ERBB4: variants seen among roughly 807,000 people sequenced by gnomAD.
ERBB4 encodes the protein erb-b2 receptor tyrosine kinase 4, also known as receptor tyrosine-protein kinase erbB-4.
ERBB4 carries 42 observed loss-of-function variants against 158.0 expected under a neutral mutation model. The ratio of observed to expected loss-of-function variants is 0.27; its 90% CI spans 0.21 to 0.34. The LOEUF (loss-of-function observed/expected upper bound fraction) is 0.34, where lower values mean the gene tolerates loss of function less well. ERBB4 is among the 10% of genes least tolerant of loss of function. ERBB4 has a pLI of 1.00. For synonymous variants in ERBB4, 583 were observed against 558.7 expected (o/e 1.04, Z -0.61); for missense variants, 1,333 against 1,624.1 (o/e 0.82, Z 3.08).
chr2:211,712,029 G>T, intron 9 of ERBB4, 21 bp downstream of exon 9: 1 of 1,601,026 alleles, frequency 6.2e-7, no homozygotes, highest in Non-Finnish European at 8.6e-7. Flanking sequence ...AAAATAACTT[G>T]CACAAAAATT....
At chr2:212,431,822 C>G (rs1363935567) in intron 1 of ERBB4, among the ~76,000 whole-genome samples, 1 of 152,150 alleles carries the variant, frequency 6.6e-6, no homozygotes, top group African/African-American at 2.4e-5. Context: ...TCCCTCAGAT[C>G]TTTACTCAAA....
chr2:212,459,940 C>A (rs1048190001), intron 1 of ERBB4, among the ~76,000 whole-genome samples: 52 of 152,138 alleles, frequency 3.4e-4, no homozygotes, highest in African/African-American at 1.2e-3. Flanking sequence ...TGTCCCCACC[C>A]AAATCTCATC....
intron 2 of ERBB4, among the ~76,000 whole-genome samples, chr2:212,000,059 A>G (rs1254124173): frequency 1.3e-5 from 2 of 151,798 alleles, no homozygotes; most frequent in African/African-American, 2.4e-5. Context: ...AATCTTTTTG[A>G]CATTGTCTGA....
At chr2:211,639,976 G>T (rs2070512661) in intron 16 of ERBB4, among the ~76,000 whole-genome samples, 1 of 152,134 alleles carries the variant, frequency 6.6e-6, no homozygotes, top group Non-Finnish European at 1.5e-5. Flanking sequence ...GCCCGCCTCG[G>T]CCTTCCAAAG....
At chr2:211,905,739 T>TATATATATATATAA (rs757262622) in intron 3 of ERBB4, among the ~76,000 whole-genome samples, 3 of 89,620 alleles carry the variant, frequency 3.3e-5, no homozygotes, top group Admixed American at 1.0e-4. Context: ...TGTGTGCATG[T>TATATATATATATAA]GTGTGTATAT....
chr2:211,590,684 G>C (rs993930361), intron 19 of ERBB4, among the ~76,000 whole-genome samples: 1 of 152,040 alleles, frequency 6.6e-6, no homozygotes, highest in Non-Finnish European at 1.5e-5. Context: ...AGACTGATTC[G>C]AGTAACGATA....
chr2:212,003,013 C>T (rs1239948915), intron 2 of ERBB4, among the ~76,000 whole-genome samples: 1 of 149,872 alleles, frequency 6.7e-6, no homozygotes. Flanking sequence ...GAGATTGTGC[C>T]ACTGCACTCC....
At chr2:211,573,496 C>T (rs2067797453) in intron 19 of ERBB4, among the ~76,000 whole-genome samples, 1 of 151,960 alleles carries the variant, frequency 6.6e-6, no homozygotes, top group African/African-American at 2.4e-5. Context: ...CGGTAAAACC[C>T]TGTCTCTACT....
intron 1 of ERBB4, among the ~76,000 whole-genome samples, chr2:212,249,574 G>GT (rs1162027872): frequency 2.0e-5 from 3 of 151,970 alleles, no homozygotes; most frequent in African/African-American, 7.2e-5. Flanking sequence ...AGGGAGAAAA[G>GT]TTTATTAAAA....
At chr2:212,334,995 A>G (rs535141326) in intron 1 of ERBB4, among the ~76,000 whole-genome samples, 8 of 152,122 alleles carry the variant, frequency 5.3e-5, no homozygotes, top group Admixed American at 1.3e-4. Context: ...TGAAAAAAAT[A>G]TATTTTAAAG....
intron 13 of ERBB4, among the ~76,000 whole-genome samples, chr2:211,676,743 A>G (rs989289768): frequency 2.6e-5 from 4 of 152,178 alleles, no homozygotes; most frequent in Non-Finnish European, 4.4e-5. Flanking sequence ...AGTATTGCAC[A>G]TATATATTCA....
chr2:211,417,112 T>G (rs1031578056), intron 25 of ERBB4, among the ~76,000 whole-genome samples: 6 of 152,186 alleles, frequency 3.9e-5, no homozygotes, highest in Non-Finnish European at 8.8e-5. Context: ...AGAAGTTAAA[T>G]AGCTTCTCAT....
intron 20 of ERBB4, among the ~76,000 whole-genome samples, chr2:211,496,828 G>A (rs573187193): frequency 5.9e-5 from 9 of 152,146 alleles, no homozygotes; most frequent in East Asian, 1.9e-4. Flanking sequence ...AAACAATCAC[G>A]TTTCTATCTC....
intron 20 of ERBB4, among the ~76,000 whole-genome samples, chr2:211,554,684 G>A (rs1248621672): frequency 3.9e-5 from 6 of 152,158 alleles, no homozygotes. Context: ...CACTGTCTAA[G>A]GTGGCTTTTA....
At chr2:211,958,414 T>C (rs971808716) in intron 2 of ERBB4, among the ~76,000 whole-genome samples, 1 of 152,106 alleles carries the variant, frequency 6.6e-6, no homozygotes, top group Non-Finnish European at 1.5e-5. Context: ...TAAGTAGCTA[T>C]TTACTATTTC....
intron 25 of ERBB4, among the ~76,000 whole-genome samples, chr2:211,414,613 T>C (rs1380116409): frequency 6.6e-6 from 1 of 152,106 alleles, no homozygotes; most frequent in Non-Finnish European, 1.5e-5. Flanking sequence ...GGTTAAAGCT[T>C]CATCGATTTG....
At chr2:212,381,239 T>C (rs1395170967) in intron 1 of ERBB4, among the ~76,000 whole-genome samples, 3 of 151,296 alleles carry the variant, frequency 2.0e-5, no homozygotes. Context: ...GATGAGTCAG[T>C]TCAAAAAGTT....
chr2:211,974,998 T>G (rs1035702559), intron 2 of ERBB4, among the ~76,000 whole-genome samples: 4 of 152,112 alleles, frequency 2.6e-5, no homozygotes, highest in Non-Finnish European at 4.4e-5. Flanking sequence ...TCACTTTTTT[T>G]TTTGAGACAG....
At chr2:212,468,499 C>A (rs537860718) in intron 1 of ERBB4, among the ~76,000 whole-genome samples, 16 of 152,244 alleles carry the variant, frequency 1.1e-4, no homozygotes, top group African/African-American at 3.9e-4. Context: ...CTGCCGCCAT[C>A]CACATAAAAT....
Sources: gnomAD v4.1 joint callset for allele counts (sites outside exome capture counted in the v4.1 genomes callset) on GRCh38, gnomAD v4.1.1 for gene constraint, MANE v1.5 for transcripts, NCBI Gene and HGNC (gene_info 2026-07-23, HGNC 2026-07-21) for gene names.